FAM135A: variants seen among roughly 807,000 people sequenced by gnomAD.
The protein encoded by FAM135A is protein FAM135A.
FAM135A carries 79 observed loss-of-function variants against 146.8 expected under a neutral mutation model. The observed-to-expected ratio is 0.54, with a 90% CI of 0.45 to 0.65. The LOEUF (loss-of-function observed/expected upper bound fraction) is 0.65. Among genes scored for constraint, FAM135A ranks in the 30% least tolerant of loss-of-function variants. The pLI is 0.00. For missense variants in FAM135A, 1,623 were observed against 1,758.2 expected (o/e 0.92, Z 1.38); for synonymous variants, 562 against 603.6 (o/e 0.93, Z 1.01).
intron 10 of FAM135A, chr6:70,486,288 A>G (rs1014909945): frequency 1.9e-6 from 3 of 1,568,332 alleles, no homozygotes; most frequent in Non-Finnish European, 1.7e-6. Flanking sequence ...TTTTAATTAA[A>G]AAGTATGAAA....
chr6:70,520,102 T>C (rs1452300351), intron 12 of FAM135A, among the ~76,000 whole-genome samples: 1 of 152,148 alleles, frequency 6.6e-6, no homozygotes, highest in Non-Finnish European at 1.5e-5. Context: ...CGGATATTTC[T>C]TCATCACGTT....
intron 16 of FAM135A, 83 bp downstream of exon 16, chr6:70,528,535 T>C (rs1795168936): frequency 1.6e-6 from 2 of 1,267,150 alleles, no homozygotes; most frequent in Admixed American, 2.8e-5. Flanking sequence ...ATTTAGTCTT[T>C]GAACTAAAAA....
At chr6:70,515,480 T>C (rs1307298341) in intron 12 of FAM135A, among the ~76,000 whole-genome samples, 1 of 152,164 alleles carries the variant, frequency 6.6e-6, no homozygotes, top group African/African-American at 2.4e-5. Flanking sequence ...TGAAAGCATA[T>C]TGCAGGCTGA....
intron 11 of FAM135A, among the ~76,000 whole-genome samples, chr6:70,501,415 C>T (rs1788487031): frequency 6.6e-6 from 1 of 152,222 alleles, no homozygotes; most frequent in East Asian, 1.9e-4. Flanking sequence ...GCCAGTGATT[C>T]CTAGCTTGCT....
intron 8 of FAM135A, among the ~76,000 whole-genome samples, chr6:70,477,544 C>T (rs1385943318): frequency 6.6e-6 from 1 of 152,094 alleles, no homozygotes; most frequent in Non-Finnish European, 1.5e-5. Context: ...AGGCATCTCA[C>T]ATGGCCAGAG....
At chr6:70,494,814 A>T (rs1327886383) in intron 11 of FAM135A, among the ~76,000 whole-genome samples, 3 of 152,120 alleles carry the variant, frequency 2.0e-5, no homozygotes, top group Non-Finnish European at 4.4e-5. Context: ...ATAAAAAGAG[A>T]GTTGTGTACT....
intron 8 of FAM135A, 102 bp from the exon 9 acceptor site, chr6:70,480,799 A>T (rs959538621): frequency 1.1e-5 from 13 of 1,140,586 alleles, no homozygotes; most frequent in African/African-American, 3.2e-5. Flanking sequence ...AAACTTGCAA[A>T]ACCCTTGCTG....
At chr6:70,423,780 G>GA (rs1769389322) in intron 2 of FAM135A, among the ~76,000 whole-genome samples, 2 of 152,162 alleles carry the variant, frequency 1.3e-5, no homozygotes, top group Admixed American at 6.5e-5. Flanking sequence ...CATCCTACCT[G>GA]TTGATAATAT....
chr6:70,507,043 A>G (rs1789933596), intron 12 of FAM135A, among the ~76,000 whole-genome samples: 1 of 152,088 alleles, frequency 6.6e-6, no homozygotes, highest in Admixed American at 6.6e-5. Context: ...GACAAAAATC[A>G]GGTTTGTGGA....
At chr6:70,436,937 A>G (rs951046829) in intron 4 of FAM135A, among the ~76,000 whole-genome samples, 12 of 152,226 alleles carry the variant, frequency 7.9e-5, no homozygotes, top group African/African-American at 7.2e-5. Flanking sequence ...AATGCTGTCA[A>G]TTAACTAGCT....
chr6:70,415,921 T>C (rs1307045332), intron 2 of FAM135A, among the ~76,000 whole-genome samples: 1 of 152,214 alleles, frequency 6.6e-6, no homozygotes, highest in African/African-American at 2.4e-5. Context: ...TAAACATGCT[T>C]AGGGCCACCG....
At chr6:70,449,586 T>C (rs76320501) in intron 4 of FAM135A, among the ~76,000 whole-genome samples, 19,837 of 152,256 alleles carry the variant, frequency 0.13, 1,540 homozygotes, top group Middle Eastern at 0.19. Flanking sequence ...CAGAATTTTC[T>C]TATTTTTTAA....
At chr6:70,438,296 C>G (rs547512989) in intron 4 of FAM135A, among the ~76,000 whole-genome samples, 2 of 152,298 alleles carry the variant, frequency 1.3e-5, no homozygotes, top group Non-Finnish European at 1.5e-5. Context: ...AAAATACTTA[C>G]AGTAATCCTC....
Position 70,496,571 on chromosome 6 carries a change from TTG to T in FAM135A, c.873+5489_873+5490del, listed in dbSNP as rs1787326909. On this transcript the variant is annotated intron_variant, in intron 11 of 21. Coordinates refer to ENST00000418814, the MANE Select transcript of FAM135A (RefSeq NM_001162529.3). ...TTTTGGTGTTTTAGTCATGAAGTCT[TTG>T]CCCATCATGCCCGTGTCCTGAATGG... Among the ~76,000 whole-genome samples, 10 of 152,222 alleles carry T rather than the reference TTG, an allele frequency of 6.6e-5. 1 individual carries two copies. Among genetic ancestry groups the T allele is most frequent in the Non-Finnish European group, 1.3e-4 (9 of 68,044 alleles).
intron 2 of FAM135A, among the ~76,000 whole-genome samples, chr6:70,421,271 A>G (rs1436801556): frequency 6.6e-6 from 1 of 152,172 alleles, no homozygotes; most frequent in Non-Finnish European, 1.5e-5. Flanking sequence ...TTTAATGGAA[A>G]AATATTTTAC....
At chr6:70,555,311 G>T (rs1252048897) in intron 20 of FAM135A, among the ~76,000 whole-genome samples, 4 of 152,010 alleles carry the variant, frequency 2.6e-5, no homozygotes, top group Non-Finnish European at 5.9e-5. Context: ...TGTCACCTGG[G>T]CTGGAGTGCA....
At chr6:70,504,631 T>A (rs1237349899) in intron 12 of FAM135A, 1 of 152,144 alleles carries the variant, frequency 6.6e-6, no homozygotes, top group Non-Finnish European at 1.5e-5. Flanking sequence ...GATTTAAATG[T>A]GAAAGGCAAA....
chr6:70,463,419 T>TACAAA (rs1779793398), intron 5 of FAM135A, among the ~76,000 whole-genome samples: 1 of 142,130 alleles, frequency 7.0e-6, no homozygotes, highest in African/African-American at 2.6e-5. Context: ...CTGGCCTAAT[T>TACAAA]AAAAAAAAAA....
At chr6:70,440,786 G>A (rs893695228) in intron 4 of FAM135A, among the ~76,000 whole-genome samples, 1 of 152,054 alleles carries the variant, frequency 6.6e-6, no homozygotes. Flanking sequence ...TATTACTTAA[G>A]ATCCTGAAAT....
Sources: gnomAD v4.1 joint callset for allele counts (sites outside exome capture counted in the v4.1 genomes callset) on GRCh38, gnomAD v4.1.1 for gene constraint, MANE v1.5 for transcripts, NCBI Gene and HGNC (gene_info 2026-07-23, HGNC 2026-07-21) for gene names.